RAPGEF4: variants seen among roughly 807,000 people sequenced by gnomAD.
The protein encoded by RAPGEF4 is RAP guanine-nucleotide-exchange factor (GEF) 4.
Under a neutral mutation model 147.9 loss-of-function variants are expected in RAPGEF4, and 66 were observed. The observed-to-expected ratio is 0.45, with a 90% CI of 0.37 to 0.55. The LOEUF (loss-of-function observed/expected upper bound fraction) is 0.55, where lower values mean the gene tolerates loss of function less well. Ranked by LOEUF, RAPGEF4 falls within the 20% of genes least tolerant of loss-of-function variation. The pLI is 0.00. For synonymous variants in RAPGEF4, 419 were observed against 442.7 expected (o/e 0.95, Z 0.67); for missense variants, 1,071 against 1,257.3 (o/e 0.85, Z 2.24).
chr2:172,862,885 T>C (rs1165536964), intron 4 of RAPGEF4, among the ~76,000 whole-genome samples: 2 of 152,076 alleles, frequency 1.3e-5, no homozygotes, highest in African/African-American at 4.8e-5. Context: ...CAGGATATAG[T>C]AGTATCATTT....
At chr2:172,985,711 G>A in intron 12 of RAPGEF4, among the ~76,000 whole-genome samples, 1 of 152,108 alleles carries the variant, frequency 6.6e-6, no homozygotes, top group East Asian at 1.9e-4. Flanking sequence ...ACCAGCAAGT[G>A]TTGTGGGTGC....
At chr2:172,773,909 G>T (rs1387976820) in intron 1 of RAPGEF4, among the ~76,000 whole-genome samples, 2 of 152,164 alleles carry the variant, frequency 1.3e-5, no homozygotes, top group Non-Finnish European at 2.9e-5. Flanking sequence ...TCTAGGAGAG[G>T]ATCTGCAGAG....
intron 1 of RAPGEF4, among the ~76,000 whole-genome samples, chr2:172,746,423 T>C (rs1409287044): frequency 6.6e-6 from 1 of 152,170 alleles, no homozygotes; most frequent in Non-Finnish European, 1.5e-5. Flanking sequence ...AGCCCACAGG[T>C]AATGCTACAG....
At chr2:173,036,798 T>C (rs1575578967) in intron 29 of RAPGEF4, 106 bp downstream of exon 29, 1 of 697,480 alleles carries the variant, frequency 1.4e-6, no homozygotes, top group East Asian at 2.7e-5. Flanking sequence ...GCTAAAAAGG[T>C]AGTTACACAT....
intron 4 of RAPGEF4, among the ~76,000 whole-genome samples, chr2:172,834,372 A>G (rs919405924): frequency 1.3e-5 from 2 of 152,232 alleles, no homozygotes; most frequent in African/African-American, 2.4e-5. Flanking sequence ...CAAAAAACTC[A>G]GGGAAGAGAG....
At chr2:173,017,239 C>T in intron 20 of RAPGEF4, 35 bp downstream of exon 20, 1 of 1,598,116 alleles carries the variant, frequency 6.3e-7, no homozygotes, top group Non-Finnish European at 8.6e-7. Context: ...CTGTCTGTGT[C>T]CTGTAGAATT....
intron 6 of RAPGEF4, among the ~76,000 whole-genome samples, chr2:172,959,883 A>G (rs1689108836): frequency 6.6e-6 from 1 of 152,200 alleles, no homozygotes; most frequent in Non-Finnish European, 1.5e-5. Flanking sequence ...TGAGGCCAGG[A>G]GTGCGAGACC....
At chr2:172,908,603 G>A (rs1392278946) in intron 4 of RAPGEF4, among the ~76,000 whole-genome samples, 1 of 152,208 alleles carries the variant, frequency 6.6e-6, no homozygotes, top group African/African-American at 2.4e-5. Context: ...TGGAAGTTTA[G>A]AGATGATCTA....
rs1381158071 is a variant in RAPGEF4, at chr2:173,017,407, G to A, written c.1930-19G>A. ...TTGGTCACTGTCCCTTATGGCACTTGCTGTGGTTGTTTTTACAGCACAAGG... is the reference window on the plus strand; with the variant it reads ...TTGGTCACTGTCCCTTATGGCACTTACTGTGGTTGTTTTTACAGCACAAGG... On this transcript the variant is annotated intron_variant, in intron 20 of 30. Transcript: ENST00000397081. 1.2e-6 allele frequency: 2 copies of A among 1,610,264 alleles called. No individual in the cohort carries two copies. Among genetic ancestry groups the A allele is most frequent in the Admixed American group, 3.3e-5 (2 of 60,000 alleles).
intron 4 of RAPGEF4, among the ~76,000 whole-genome samples, chr2:172,897,944 T>A (rs1362233791): frequency 6.6e-6 from 1 of 152,000 alleles, no homozygotes; most frequent in Non-Finnish European, 1.5e-5. Flanking sequence ...GGAACAAGGT[T>A]AGGGGTAAGA....
intron 4 of RAPGEF4, among the ~76,000 whole-genome samples, chr2:172,853,980 A>G (rs1693142493): frequency 6.6e-6 from 1 of 151,988 alleles, no homozygotes; most frequent in Non-Finnish European, 1.5e-5. Context: ...AATAACTTAT[A>G]TTTCACTGTT....
chr2:172,987,552 C>T (rs1404263580), intron 12 of RAPGEF4, among the ~76,000 whole-genome samples: 1 of 152,116 alleles, frequency 6.6e-6, no homozygotes, highest in Non-Finnish European at 1.5e-5. Flanking sequence ...CTCTACTGAA[C>T]ATGTACAGAC....
At chr2:172,992,306 T>G (rs1434014850) in intron 15 of RAPGEF4, among the ~76,000 whole-genome samples, 1 of 152,242 alleles carries the variant, frequency 6.6e-6, no homozygotes, top group Non-Finnish European at 1.5e-5. Context: ...CAAATGTTTT[T>G]AACAGTTTTC....
At chr2:172,965,397 A>G (rs1689721662) in intron 8 of RAPGEF4, 165 bp from the exon 9 acceptor site, 1 of 778,672 alleles carries the variant, frequency 1.3e-6, no homozygotes, top group African/African-American at 1.7e-5. Context: ...TTGTATTAGC[A>G]TTTGAGAACC....
chr2:173,014,309 A>G (rs1053770046), intron 17 of RAPGEF4, among the ~76,000 whole-genome samples, 155 bp from the exon 18 acceptor site: 2 of 152,116 alleles, frequency 1.3e-5, no homozygotes, highest in South Asian at 4.1e-4. Flanking sequence ...CGGCACAGAC[A>G]CTTTCTGTGG....
In RAPGEF4 at chr2:172,845,295, A is replaced by T. The variant is rs192968700; in HGVS notation, c.444+30870A>T. 2.3e-3 allele frequency among the ~76,000 whole-genome samples: 345 copies of T among 152,318 alleles called. 1 individual carries two copies. The highest frequency in any genetic ancestry group is 5.7e-3 in the Admixed American group (87 of 15,304). On this transcript the variant is annotated intron_variant, in intron 4 of 30. Coordinates refer to ENST00000397081, the MANE Select transcript of RAPGEF4 (RefSeq NM_007023.4). ...GGCTAACCACATTACAGGAGAAGTC[A>T]TCGCCTCTTATGCTTTCAGGGAGCC...
chr2:172,949,031 A>G (rs1261209007), intron 6 of RAPGEF4, among the ~76,000 whole-genome samples: 1 of 152,250 alleles, frequency 6.6e-6, no homozygotes, highest in East Asian at 1.9e-4. Context: ...CTGAAGGGAA[A>G]TGTTATTCCT....
chr2:172,954,784 A>G lies in RAPGEF4; in HGVS notation c.538-5976A>G, dbSNP rs570721723. Among the ~76,000 whole-genome samples the G allele has an allele frequency of 8.5e-5, 13 of 152,240 alleles. No individual in the cohort carries two copies. In the East Asian group the frequency reaches 1.9e-3, roughly 23 times the overall value. ...ACTAAAAAACTGAATACTGCTCTCT[A>G]CCTCCTAGAAATGTCCTCAGCTGAA... On this transcript the variant is annotated intron_variant, in intron 6 of 30. Transcript: ENST00000397081.
At chr2:172,898,791 G>A (rs1331763257) in intron 4 of RAPGEF4, among the ~76,000 whole-genome samples, 2 of 152,174 alleles carry the variant, frequency 1.3e-5, no homozygotes, top group African/African-American at 4.8e-5. Context: ...TTCTGACACT[G>A]TCGTGGAAGG....
Sources: gnomAD v4.1 joint callset for allele counts (sites outside exome capture counted in the v4.1 genomes callset) on GRCh38, gnomAD v4.1.1 for gene constraint, MANE v1.5 for transcripts, NCBI Gene and HGNC (gene_info 2026-07-23, HGNC 2026-07-21) for gene names.